ZNF813: variants seen among roughly 807,000 people sequenced by gnomAD.
ZNF813 encodes the protein zinc finger protein 813.
In ZNF813, 3 loss-of-function variants were observed where a neutral mutation model predicts 7.2. That is an observed-to-expected ratio of 0.42 (90% CI 0.19 to 1.08). The LOEUF is 1.08. ZNF813 is among the 50% of genes least tolerant of loss of function. The probability of loss-of-function intolerance (pLI) is 0.30; values close to 1 mark genes in which losing one functional copy is unlikely to be tolerated. For missense variants in ZNF813, 714 were observed against 753.3 expected (o/e 0.95, Z 0.61); for synonymous variants, 227 against 256.3 (o/e 0.89, Z 1.09).
intron 1 of ZNF813, among the ~76,000 whole-genome samples, chr19:53,477,083 CTTTAAG>C (rs761553908): frequency 5.9e-5 from 9 of 152,144 alleles, no homozygotes; most frequent in Non-Finnish European, 1.0e-4. Context: ...AGAAAGCATC[CTTTAAG>C]TTTAAGACTG....
Position 53,494,325 on chromosome 19 carries a change from A to G in ZNF813, c.*2239A>G, listed in dbSNP as rs745433788. On this transcript the variant is annotated 3_prime_UTR_variant, in exon 4 of 4. Coordinates refer to ENST00000396403, the MANE Select transcript of ZNF813 (RefSeq NM_001004301.4). ...GAACAGGTCCTAGTTTGAGGCACCC[A>G]GAAGGATAAGACATGAGTTTTAAAA... 1.1e-4 allele frequency: 16 copies of G among 152,178 alleles called. No individual in the cohort carries two copies. The highest frequency in any genetic ancestry group is 2.1e-4 in the Non-Finnish European group (14 of 68,036). The allele number at this position is 152,178 out of a possible 1,614,324, so 9.4% of individuals were successfully genotyped here.
intron 3 of ZNF813, chr19:53,488,218 T>C: frequency 4.4e-6 from 2 of 455,446 alleles, no homozygotes; most frequent in Non-Finnish European, 8.8e-6. Context: ...ACACAGGGTT[T>C]CTCCTTTTTT....
At chr19:53,489,615 A>AG (rs1260897468) in intron 3 of ZNF813, among the ~76,000 whole-genome samples, 2 of 152,172 alleles carry the variant, frequency 1.3e-5, no homozygotes, top group Non-Finnish European at 2.9e-5. Flanking sequence ...AAATAAAAAA[A>AG]TACAAAAATT....
Position 53,475,513 on chromosome 19 carries a change from C to G in ZNF813, c.-74+7724C>G, listed in dbSNP as rs2086378007. Among the ~76,000 whole-genome samples, 7 of 152,402 alleles carry G rather than the reference C, an allele frequency of 4.6e-5. No individual in the cohort carries two copies. In the South Asian group the frequency reaches 1.0e-3, roughly 23 times the overall value. On this transcript the variant is annotated intron_variant, in intron 1 of 3. Coordinates refer to ENST00000396403, the MANE Select transcript of ZNF813 (RefSeq NM_001004301.4). ...CAGAATAGCCGGGTTAGGGTGTTTA[C>G]TGTTCTAAAATTGTGTAAGGGTTTT...
At chr19:53,468,958 T>TA (rs752964518) in intron 1 of ZNF813, among the ~76,000 whole-genome samples, 1 of 142,374 alleles carries the variant, frequency 7.0e-6, no homozygotes, top group Non-Finnish European at 1.5e-5. Flanking sequence ...CGAGGCCATA[T>TA]CTCAGGCTGT....
intron 3 of ZNF813, among the ~76,000 whole-genome samples, chr19:53,488,745 G>A (rs1445376367): frequency 6.6e-6 from 1 of 151,920 alleles, no homozygotes; most frequent in East Asian, 1.9e-4. Flanking sequence ...TCCTTATAAT[G>A]CTGTGTATAT....
intron 1 of ZNF813, among the ~76,000 whole-genome samples, chr19:53,469,275 C>T (rs931669923): frequency 6.7e-6 from 1 of 148,956 alleles, no homozygotes; most frequent in Non-Finnish European, 1.5e-5. Flanking sequence ...CTTATGTCTT[C>T]CTTTTCTGCA....
chr19:53,470,845 G>C (rs1251956266), intron 1 of ZNF813, among the ~76,000 whole-genome samples: 5 of 152,048 alleles, frequency 3.3e-5, no homozygotes, highest in Non-Finnish European at 7.4e-5. Context: ...GTAGTCGAAA[G>C]CTAATCTATT....
intron 3 of ZNF813, chr19:53,488,081 G>A (rs2617675): frequency 0.76 from 196,356 of 257,502 alleles, 76,048 homozygotes; most frequent in African/African-American, 0.92. Flanking sequence ...CTGGAGTGCA[G>A]TGGCACAATC....
chr19:53,490,154 G>T (rs1454767313), intron 3 of ZNF813, among the ~76,000 whole-genome samples: 1 of 152,198 alleles, frequency 6.6e-6, no homozygotes, highest in Non-Finnish European at 1.5e-5. Flanking sequence ...TGCACTGTCA[G>T]TGTTTTGTCG....
At chr19:53,479,875 G>A (rs1388399764) in intron 1 of ZNF813, 4 of 1,018,120 alleles carry the variant, frequency 3.9e-6, no homozygotes, top group African/African-American at 3.1e-5. Flanking sequence ...CTGAAGAAAA[G>A]TACCCTCAAA....
At chr19:53,470,159 T>TCC (rs1568825746) in intron 1 of ZNF813, among the ~76,000 whole-genome samples, 1 of 66,540 alleles carries the variant, frequency 1.5e-5, no homozygotes, top group Non-Finnish European at 3.0e-5. Context: ...CTTTCTTTCT[T>TCC]TTTCTTTTCT....
intron 1 of ZNF813, among the ~76,000 whole-genome samples, chr19:53,469,852 C>G (rs1267943604): frequency 5.3e-5 from 8 of 151,422 alleles, no homozygotes; most frequent in Admixed American, 3.3e-4. Flanking sequence ...AGAGGAGGCG[C>G]AGAGATGGTG....
At chr19:53,475,755 G>A (rs927638942) in intron 1 of ZNF813, among the ~76,000 whole-genome samples, 2 of 152,232 alleles carry the variant, frequency 1.3e-5, no homozygotes. Context: ...TTGGATAAAT[G>A]TGCCACTGGG....
chr19:53,476,955 C>T (rs1347485435), intron 1 of ZNF813, among the ~76,000 whole-genome samples: 1 of 152,158 alleles, frequency 6.6e-6, no homozygotes, highest in Non-Finnish European at 1.5e-5. Context: ...AGCCACCGCG[C>T]CTGGCTGTGG....
intron 1 of ZNF813, among the ~76,000 whole-genome samples, chr19:53,476,551 C>G (rs1332793673): frequency 6.6e-6 from 1 of 151,612 alleles, no homozygotes; most frequent in Non-Finnish European, 1.5e-5. Flanking sequence ...ATTGCTTGAA[C>G]CCGGGGGGCA....
At chr19:53,469,854 G>A (rs189336134) in intron 1 of ZNF813, among the ~76,000 whole-genome samples, 4 of 151,882 alleles carry the variant, frequency 2.6e-5, no homozygotes, top group African/African-American at 9.7e-5. Flanking sequence ...AGGAGGCGCA[G>A]AGATGGTGTT....
chr19:53,470,744 T>C (rs374028826), intron 1 of ZNF813, among the ~76,000 whole-genome samples: 30 of 151,340 alleles, frequency 2.0e-4, no homozygotes, highest in African/African-American at 6.6e-4. Flanking sequence ...CTTGCAGTTA[T>C]TTCTATAACA....
At chr19:53,471,005 T>C (rs2617703) in intron 1 of ZNF813, among the ~76,000 whole-genome samples, 75,996 of 152,002 alleles carry the variant, frequency 0.5, 19,251 homozygotes, top group African/African-American at 0.58. Flanking sequence ...TATGACTTAT[T>C]TTGTGCCCAG....
Sources: gnomAD v4.1 joint callset for allele counts (sites outside exome capture counted in the v4.1 genomes callset) on GRCh38, gnomAD v4.1.1 for gene constraint, MANE v1.5 for transcripts, NCBI Gene and HGNC (gene_info 2026-07-23, HGNC 2026-07-21) for gene names.